Variants in NEGR1 observed in about 807,000 individuals in gnomAD.
NEGR1 encodes the protein IgLON family member 4.
In NEGR1, 10 loss-of-function variants were observed where a neutral mutation model predicts 40.9. The observed-to-expected ratio is 0.24, with a 90% CI of 0.15 to 0.42. The LOEUF is 0.42. Among genes scored for constraint, NEGR1 ranks in the 10% least tolerant of loss-of-function variants. The pLI, the probability that NEGR1 is intolerant of heterozygous loss-of-function variation, is 1.00. For missense variants in NEGR1, 352 were observed against 438.9 expected (o/e 0.80, Z 1.77); for synonymous variants, 185 against 166.8 (o/e 1.11, Z -0.84).
intron 6 of NEGR1, among the ~76,000 whole-genome samples, chr1:71,446,894 T>C (rs74089350): frequency 0.035 from 5,290 of 152,326 alleles, 325 homozygotes; most frequent in African/African-American, 0.12. Context: ...TCAAACAATA[T>C]TGTAACATTA....
chr1:72,054,516 C>T (rs879554022), intron 1 of NEGR1, among the ~76,000 whole-genome samples: 6 of 151,146 alleles, frequency 4.0e-5, no homozygotes, highest in Non-Finnish European at 5.9e-5. Context: ...AAATATTGCA[C>T]CAAACACATT....
intron 3 of NEGR1, among the ~76,000 whole-genome samples, chr1:71,754,467 T>C (rs1206391692): frequency 6.6e-6 from 1 of 152,212 alleles, no homozygotes; most frequent in Non-Finnish European, 1.5e-5. Flanking sequence ...GGAGGCAGTT[T>C]AGATGAACAA....
chr1:71,588,987 C>T (rs1335309626), intron 6 of NEGR1, among the ~76,000 whole-genome samples: 1 of 152,126 alleles, frequency 6.6e-6, no homozygotes, highest in Admixed American at 6.6e-5. Context: ...TTTTCATAGC[C>T]TAACCTCTGA....
At chr1:71,650,519 C>G (rs1482120708) in intron 4 of NEGR1, among the ~76,000 whole-genome samples, 3 of 152,170 alleles carry the variant, frequency 2.0e-5, no homozygotes, top group African/African-American at 7.2e-5. Context: ...GAAATGTAGA[C>G]TGCATTTGTC....
At chr1:71,882,334 G>A (rs189465057) in intron 2 of NEGR1, among the ~76,000 whole-genome samples, 6 of 152,160 alleles carry the variant, frequency 3.9e-5, no homozygotes, top group East Asian at 1.9e-4. Context: ...CAGTATAAAC[G>A]TTGGCAGAAG....
intron 2 of NEGR1, among the ~76,000 whole-genome samples, chr1:71,828,940 A>G (rs2101787536): frequency 6.6e-6 from 1 of 152,096 alleles, no homozygotes; most frequent in South Asian, 2.1e-4. Flanking sequence ...TATGTATTTC[A>G]GGGCAGGTTC....
At chr1:71,594,707 C>A (rs1649631352) in intron 5 of NEGR1, among the ~76,000 whole-genome samples, 1 of 152,148 alleles carries the variant, frequency 6.6e-6, no homozygotes, top group South Asian at 2.1e-4. Context: ...ATGCTAAATT[C>A]CCCTAGTCAT....
At chr1:71,917,746 C>G (rs999930090) in intron 2 of NEGR1, among the ~76,000 whole-genome samples, 11 of 146,320 alleles carry the variant, frequency 7.5e-5, no homozygotes, top group South Asian at 4.3e-4. Flanking sequence ...CGCCACTGCA[C>G]TCCAGCCTGG....
chr1:72,127,243 T>C (rs1650056065), intron 1 of NEGR1, among the ~76,000 whole-genome samples: 1 of 151,802 alleles, frequency 6.6e-6, no homozygotes, highest in Admixed American at 6.6e-5. Flanking sequence ...GGCGGGAAGA[T>C]CACGACGTCA....
chr1:71,578,046 C>T (rs1649017927), intron 6 of NEGR1, among the ~76,000 whole-genome samples: 1 of 152,124 alleles, frequency 6.6e-6, no homozygotes, highest in Non-Finnish European at 1.5e-5. Context: ...TCTGATCTTA[C>T]AGGAGCCATA....
At chr1:72,028,108 C>T (rs962799485) in intron 1 of NEGR1, among the ~76,000 whole-genome samples, 1 of 152,182 alleles carries the variant, frequency 6.6e-6, no homozygotes, top group East Asian at 1.9e-4. Flanking sequence ...GTTAGCCTAA[C>T]CAATTATCTT....
chr1:71,866,171 A>G (rs1660106154), intron 2 of NEGR1, among the ~76,000 whole-genome samples: 1 of 152,102 alleles, frequency 6.6e-6, no homozygotes, highest in Admixed American at 6.5e-5. Flanking sequence ...AAATGTCCAT[A>G]GAACTCTTTC....
At chr1:71,570,330 T>C (rs917890375) in intron 6 of NEGR1, among the ~76,000 whole-genome samples, 1 of 152,192 alleles carries the variant, frequency 6.6e-6, no homozygotes, top group Non-Finnish European at 1.5e-5. Flanking sequence ...TTTGTCCTCC[T>C]TGCTTAAAAC....
At chr1:71,591,710 C>T (rs1429339277) in intron 6 of NEGR1, among the ~76,000 whole-genome samples, 1 of 151,920 alleles carries the variant, frequency 6.6e-6, no homozygotes, top group South Asian at 2.1e-4. Flanking sequence ...AAATCGAGTG[C>T]TAAAGGATAT....
At chr1:71,407,726 G>C in intron 6 of NEGR1, 156 bp from the exon 7 acceptor site, 1 of 612,478 alleles carries the variant, frequency 1.6e-6, no homozygotes, top group Non-Finnish European at 2.8e-6. Flanking sequence ...GACAACGTGT[G>C]GGCTATGTGG....
intron 1 of NEGR1, among the ~76,000 whole-genome samples, chr1:72,178,489 A>G (rs991339496): frequency 1.3e-5 from 2 of 151,626 alleles, no homozygotes; most frequent in African/African-American, 4.8e-5. Context: ...TTAGGACACC[A>G]ATGACTCACA....
rs548537915 is a variant in NEGR1 at position 71,824,698 on chromosome 1, G to A, written c.410-48401C>T. ...TCTCTGTTCCTCTCCACACATAGAA[G>A]AAGCAAGAACTTCTGATTTCTGTTA... On this transcript the variant is annotated intron_variant, in intron 2 of 6. Transcript: ENST00000357731. Among the ~76,000 whole-genome samples the A allele has an allele frequency of 6.4e-4, 98 of 151,984 alleles. 1 individual carries two copies. The South Asian group carries it at 0.02, about 31-fold the overall frequency.
intron 4 of NEGR1, among the ~76,000 whole-genome samples, chr1:71,693,478 G>T (rs562693592): frequency 2.0e-5 from 3 of 151,646 alleles, no homozygotes; most frequent in African/African-American, 7.2e-5. Context: ...AGCAAAATCC[G>T]TTTCCACATA....
intron 3 of NEGR1, among the ~76,000 whole-genome samples, chr1:71,711,008 T>C (rs1413550250): frequency 2.0e-5 from 3 of 151,912 alleles, no homozygotes; most frequent in African/African-American, 7.2e-5. Flanking sequence ...TAAATATATA[T>C]ACCTACTATT....
Sources: allele counts gnomAD v4.1 joint callset (sites outside exome capture counted in the v4.1 genomes callset), GRCh38; gene constraint gnomAD v4.1.1; transcripts MANE v1.5; gene names NCBI Gene and HGNC (gene_info 2026-07-23, HGNC 2026-07-21).